DOCK6: variants seen among roughly 807,000 people sequenced by gnomAD.
DOCK6 encodes dedicator of cytokinesis 6.
Under a neutral mutation model 230.3 loss-of-function variants are expected in DOCK6, and 167 were observed. The ratio of observed to expected loss-of-function variants is 0.73; its 90% confidence interval spans 0.64 to 0.82. The LOEUF (loss-of-function observed/expected upper bound fraction) is 0.82. Ranked by LOEUF, DOCK6 falls within the 40% of genes least tolerant of loss-of-function variation. DOCK6 has a pLI of 0.00. For missense variants in DOCK6, 2,598 were observed against 2,825.8 expected (o/e 0.92, Z 1.83); for synonymous variants, 1,148 against 1,185.0 (o/e 0.97, Z 0.64).
At position 11,222,171 on chromosome 19, in the gene DOCK6, C is replaced by T; in HGVS notation, c.3318G>A (p.Gln1106=). ...MFELSGPFRQ[Q]HFLAGLLLTE... ...TCAGCAGGAGCCCAGCTAGGAAGTG[C>T]TGCTGCCGGAATGGTCCACTCAGTT... The change falls in exon 27 of 48, where the codon CAG becomes CAA. Residue 1106 remains glutamine, a synonymous_variant. Coordinates refer to ENST00000294618, the MANE Select transcript of DOCK6 (RefSeq NM_020812.4). This position sits in a 1 kb window ranked among gnomAD's most constrained non-coding sequence, Gnocchi z 4.0. 1.2e-6 allele frequency: 2 copies of T among 1,610,576 alleles called. No homozygotes were observed. Among genetic ancestry groups the T allele is most frequent in the Non-Finnish European group, 1.7e-6 (2 of 1,178,570 alleles).
At chr19:11,213,921 C>G (rs1258667640) in intron 34 of DOCK6, among the ~76,000 whole-genome samples, 2 of 151,276 alleles carry the variant, frequency 1.3e-5, no homozygotes, top group Non-Finnish European at 2.9e-5. Flanking sequence ...TTCCGAGTAG[C>G]TAGGACCACA....
intron 21 of DOCK6, among the ~76,000 whole-genome samples, chr19:11,233,837 C>CT (rs34494692): frequency 0.15 from 22,238 of 144,326 alleles, 1,804 homozygotes; most frequent in East Asian, 0.25. Flanking sequence ...AAGATCCTGA[C>CT]TTTTTTTTTT....
rs779371258 is a variant in DOCK6 at position 11,251,051 on chromosome 19, G to A, written c.543C>T (p.Asp181=). 8.7e-6 allele frequency: 14 copies of A among 1,613,052 alleles called. No individual in the cohort carries two copies. The East Asian group carries it at 3.1e-4, about 36-fold the overall frequency. Residue 181 remains aspartate (D), a synonymous_variant, in exon 6 of 48, where the codon GAC becomes GAT. Transcript: ENST00000294618. ...DSRRGSGSPE[D]TPRSSGASSI... is the part of the protein sequence containing the mutation. ...TAGAGGCACCACTGCTTCGAGGGGT[G>A]TCTTCCGGGGAGCCCGAGCCACGCC...
intron 39 of DOCK6, chr19:11,206,290 C>G (rs920004266): frequency 6.6e-6 from 1 of 152,026 alleles, no homozygotes; most frequent in African/African-American, 2.4e-5. Flanking sequence ...CATGCTGGCT[C>G]ACGCCTGTAA....
chr19:11,250,770 G>A lies in DOCK6; in HGVS notation c.720+104C>T. 2.6e-6 allele frequency: 3 copies of A among 1,136,778 alleles called. No homozygotes were observed. The South Asian group carries it at 4.6e-5, about 17-fold the overall frequency. The allele number at this position is 1,136,778 out of a possible 1,614,324, so 70.4% of individuals were successfully genotyped here. A position where few individuals can be genotyped will look rare whatever the true frequency, so the allele number is the denominator to read the frequency against. ...AAACACTGATCGGATTAATACAGGT[G>A]TATATAGTAGATGTCCATCTATAGA... On this transcript the variant is annotated intron_variant, in intron 6 of 47. Coordinates refer to ENST00000294618, the MANE Select transcript of DOCK6 (RefSeq NM_020812.4).
Position 11,245,656 on chromosome 19 carries a change from C to CCGAA in DOCK6, c.926_929dup (p.Ala311SerfsTer26). 1 of 1,608,804 alleles carries CCGAA rather than the reference C, an allele frequency of 6.2e-7. No individual in the cohort carries two copies. The highest frequency in any genetic ancestry group is 1.1e-5 in the South Asian group (1 of 90,032). On this transcript the variant is annotated frameshift_variant, in exon 9 of 48. Coordinates refer to ENST00000294618, the MANE Select transcript of DOCK6 (RefSeq NM_020812.4). LOFTEE classifies it high-confidence loss of function. ...AGATGGCAGGGTGGGTGCCATGAGCCCGAAGCAGCCCCTTCATGGAGTCCG... is the reference window on the plus strand; with the variant it reads ...AGATGGCAGGGTGGGTGCCATGAGCCCGAACGAAGCAGCCCCTTCATGGAGTCCG...
In DOCK6 at chr19:11,215,802, A is replaced by G; in HGVS notation, c.4020T>C (p.Arg1340=). The change falls in exon 31 of 48, where the codon CGT becomes CGC. Residue 1340 remains arginine (R), a splice_region_variant and synonymous_variant. Transcript: ENST00000294618. ...CACGTGGGTATGTCACCCTCTTACCACGACTTCGCCGAACCATTTCTTGTC... is the reference window on the plus strand; with the variant it reads ...CACGTGGGTATGTCACCCTCTTACCGCGACTTCGCCGAACCATTTCTTGTC... ...GARQEMVRRS[R]ERSPFGNPEN... The G allele has an allele frequency of 6.2e-7, 1 of 1,613,980 alleles. No homozygotes were observed. The highest frequency in any genetic ancestry group is 8.5e-7 in the Non-Finnish European group (1 of 1,179,880).
intron 39 of DOCK6, among the ~76,000 whole-genome samples, chr19:11,206,569 AAAAG>A (rs769714626): frequency 6.1e-4 from 91 of 149,954 alleles, no homozygotes; most frequent in Non-Finnish European, 6.9e-4. Context: ...TCAGAAAAAA[AAAAG>A]AAAGAAAGAA....
At chr19:11,239,909 T>C (rs1291220882) in intron 14 of DOCK6, 1 of 1,589,048 alleles carries the variant, frequency 6.3e-7, no homozygotes, top group Non-Finnish European at 8.6e-7. Context: ...GCCCAGGAAC[T>C]TCGGGCAAGC....
chr19:11,233,407 A>G, intron 21 of DOCK6, 41 bp from the exon 22 acceptor site: 1 of 1,595,032 alleles, frequency 6.3e-7, no homozygotes, highest in Non-Finnish European at 8.6e-7. Context: ...CACCCACCTG[A>G]TGTGATGCCT....
intron 41 of DOCK6, chr19:11,203,523 T>G (rs2079205681): frequency 6.5e-6 from 1 of 153,746 alleles, no homozygotes; most frequent in African/African-American, 2.4e-5. Context: ...GGCTCTGGGT[T>G]TCTGCCATCT....
At chr19:11,248,868 T>C (rs1294565960) in intron 6 of DOCK6, among the ~76,000 whole-genome samples, 2 of 152,066 alleles carry the variant, frequency 1.3e-5, no homozygotes, top group Non-Finnish European at 2.9e-5. Context: ...AGGTATACAA[T>C]AGGTACCTAC....
chr19:11,221,736 T>C, intron 28 of DOCK6, 115 bp downstream of exon 28: 1 of 1,514,534 alleles, frequency 6.6e-7, no homozygotes, highest in Admixed American at 1.7e-5. Flanking sequence ...CCTGCTCTGC[T>C]AATCCTAATG....
chr19:11,215,973 CG>C (rs745742009), intron 30 of DOCK6, 46 bp from the exon 31 acceptor site: 1 of 1,610,256 alleles, frequency 6.2e-7, no homozygotes, highest in Non-Finnish European at 8.5e-7. Flanking sequence ...CTGCTCTTTT[CG>C]GGGGGACCTG....
rs775829353 is a variant in DOCK6 at position 11,202,072 on chromosome 19, C to T, written c.5505G>A (p.Lys1835=). Residue 1835 remains lysine, a synonymous_variant, in exon 44 of 48, where the codon AAG becomes AAA. Coordinates refer to ENST00000294618, the MANE Select transcript of DOCK6 (RefSeq NM_020812.4). The surrounding 1 kb of genome is among the most constrained non-coding windows in gnomAD (Gnocchi z 5.3). ...VEPYFDTYEL[K]DRVTYFDRNY... ...TGCGGTCAAAGTAGGTCACCCGGTC[C>T]TTGAGCTCGTAGGTATCAAAGTACG... 5.6e-6 allele frequency: 9 copies of T among 1,614,058 alleles called. No homozygotes were observed. In the South Asian group the frequency reaches 8.8e-5, roughly 16 times the overall value.
intron 6 of DOCK6, among the ~76,000 whole-genome samples, chr19:11,249,481 A>T (rs555305709): frequency 6.6e-6 from 1 of 152,008 alleles, no homozygotes; most frequent in Non-Finnish European, 1.5e-5. Flanking sequence ...ACTGCACTCC[A>T]GCCTGGGTGA....
At chr19:11,233,460 C>A in intron 21 of DOCK6, 94 bp from the exon 22 acceptor site, 1 of 1,453,792 alleles carries the variant, frequency 6.9e-7, no homozygotes. Flanking sequence ...AAATCACTTT[C>A]CTTCTCTGAG....
At chr19:11,241,918 C>T (rs1028727394) in intron 14 of DOCK6, 127 bp downstream of exon 14, 26 of 1,332,696 alleles carry the variant, frequency 2.0e-5, no homozygotes, top group Middle Eastern at 2.6e-4. Context: ...ACACACCCCT[C>T]ATTAAAGCAG....
chr19:11,230,866 G>A (rs1027045452), intron 22 of DOCK6, among the ~76,000 whole-genome samples: 6 of 152,018 alleles, frequency 3.9e-5, no homozygotes, highest in Non-Finnish European at 7.4e-5. Context: ...TTCCTCCTTC[G>A]CTGGTTAGGG....
Sources: gnomAD v4.1 joint callset for allele counts (sites outside exome capture counted in the v4.1 genomes callset) on GRCh38, gnomAD v4.1.1 for gene constraint, Gnocchi (gnomAD v3.1) non-coding constraint, MANE v1.5 for transcripts, NCBI Gene and HGNC (gene_info 2026-07-23, HGNC 2026-07-21) for gene names.